ELAPOR1: variants seen among roughly 807,000 people sequenced by gnomAD.
ELAPOR1 encodes endosome/lysosome-associated apoptosis and autophagy regulator 1.
In ELAPOR1, 77 loss-of-function variants were observed where a neutral mutation model predicts 119.7. The ratio of observed to expected loss-of-function variants is 0.64; its 90% confidence interval spans 0.54 to 0.78. The LOEUF (loss-of-function observed/expected upper bound fraction) is 0.78. Among genes scored for constraint, ELAPOR1 ranks in the 30% least tolerant of loss-of-function variants. The pLI is 0.00. For missense variants in ELAPOR1, 1,115 were observed against 1,270.4 expected (o/e 0.88, Z 1.86); for synonymous variants, 481 against 487.2 (o/e 0.99, Z 0.17).
chr1:109,130,633 A>G (rs1649101333), intron 1 of ELAPOR1, among the ~76,000 whole-genome samples: 2 of 152,066 alleles, frequency 1.3e-5, no homozygotes, highest in African/African-American at 4.8e-5. Context: ...AAGTGCAAGC[A>G]CTGCACCCGG....
At chr1:109,177,353 G>C (rs1377952121) in intron 7 of ELAPOR1, among the ~76,000 whole-genome samples, 2 of 92,586 alleles carry the variant, frequency 2.2e-5, no homozygotes, top group Non-Finnish European at 4.1e-5. Context: ...GGCGGCTGCC[G>C]GGCGGAGGGG....
Position 109,206,597 on chromosome 1 carries a change from A to T in ELAPOR1, c.*3585A>T, listed in dbSNP as rs1036746464. Reference sequence around the variant, plus strand: ...TTTGTCTGACTACATTAAAGATAAGACTGACTATATTTATACAACAGAAAC... The same window carrying T: ...TTTGTCTGACTACATTAAAGATAAGTCTGACTATATTTATACAACAGAAAC... On this transcript the variant is annotated 3_prime_UTR_variant, in exon 22 of 22. Coordinates refer to ENST00000369939, the MANE Select transcript of ELAPOR1 (RefSeq NM_020775.5). The T allele has an allele frequency of 6.6e-6, 1 of 152,146 alleles. No individual in the cohort carries two copies. The highest frequency in any genetic ancestry group is 2.4e-5 in the African/African-American group (1 of 41,436). The allele number at this position is 152,146 out of a possible 1,614,324, so 9.4% of individuals were successfully genotyped here.
chr1:109,201,082 T>C (rs553138521), intron 21 of ELAPOR1, among the ~76,000 whole-genome samples, 182 bp downstream of exon 21: 1 of 152,316 alleles, frequency 6.6e-6, no homozygotes, highest in African/African-American at 2.4e-5. Flanking sequence ...ACCAATACTC[T>C]TTCCCCCGGG....
chr1:109,164,412 G>A lies in ELAPOR1; in HGVS notation c.275-87G>A, dbSNP rs923843720. The A allele has an allele frequency of 7.0e-6, 8 of 1,143,490 alleles. No homozygotes were observed. The Admixed American group carries it at 8.2e-5, about 12-fold the overall frequency. 70.8% of individuals were successfully genotyped at this position (1,143,490 alleles called of 1,614,324 possible). A position where few individuals can be genotyped will look rare whatever the true frequency, so the allele number is the denominator to read the frequency against. On this transcript the variant is annotated intron_variant, in intron 2 of 21. Transcript: ENST00000369939. ...CCAAACTCCTAGACCCCAACCCAGC[G>A]CTCCTCCCTTCAGCTGCTCGCAGCC...
intron 8 of ELAPOR1, among the ~76,000 whole-genome samples, chr1:109,185,900 G>C (rs773446868): frequency 6.6e-6 from 1 of 152,170 alleles, no homozygotes; most frequent in Non-Finnish European, 1.5e-5. Context: ...AATATTTATC[G>C]AGGAGCGACT....
chr1:109,200,489 CATT>C (rs1654102522), intron 20 of ELAPOR1, among the ~76,000 whole-genome samples: 1 of 152,130 alleles, frequency 6.6e-6, no homozygotes, highest in African/African-American at 2.4e-5. Flanking sequence ...CAGAGAATGA[CATT>C]ATGATTTTGA....
At chr1:109,120,745 A>C (rs1007985607) in intron 1 of ELAPOR1, among the ~76,000 whole-genome samples, 3 of 151,812 alleles carry the variant, frequency 2.0e-5, no homozygotes, top group Non-Finnish European at 4.4e-5. Context: ...GTTTACCTAG[A>C]CTTTTACAGC....
In ELAPOR1 at chr1:109,123,061, C is replaced by T. The variant is rs975467117; in HGVS notation, c.153+8725C>T. The stretch of plus-strand genomic sequence containing the variant: ...CTGTAGTTTGACTGGGCTAGGGCAG[C>T]GTGGCTGATCTATGCTGGGCTCCCT... On this transcript the variant is annotated intron_variant, in intron 1 of 21. Coordinates refer to ENST00000369939, the MANE Select transcript of ELAPOR1 (RefSeq NM_020775.5). Among the ~76,000 whole-genome samples the T allele has an allele frequency of 3.9e-5, 6 of 152,172 alleles. No individual in the cohort carries two copies. The South Asian group carries it at 6.2e-4, about 16-fold the overall frequency.
chr1:109,202,035 G>A (rs1406566438), intron 21 of ELAPOR1, among the ~76,000 whole-genome samples: 1 of 152,196 alleles, frequency 6.6e-6, no homozygotes, highest in Non-Finnish European at 1.5e-5. Flanking sequence ...AGGAGTTGGA[G>A]GCTGCACTGA....
Position 109,201,302 on chromosome 1 carries a change from G to C in ELAPOR1, c.2973+402G>C, listed in dbSNP as rs187176808. 1.6e-4 allele frequency: 71 copies of C among 457,704 alleles called. 1 individual carries two copies. Among genetic ancestry groups the C allele is most frequent in the African/African-American group, 1.3e-3 (66 of 50,268 alleles). 28.4% of individuals were successfully genotyped at this position (457,704 alleles called of 1,614,324 possible). A position where few individuals can be genotyped will look rare whatever the true frequency, so the allele number is the denominator to read the frequency against. On this transcript the variant is annotated intron_variant, in intron 21 of 21. Coordinates refer to ENST00000369939, the MANE Select transcript of ELAPOR1 (RefSeq NM_020775.5). ...AGTCAGGCTCTCCTTTGACCAGTGG[G>C]GGGTGCTGTCTTCCAGGTGTCTGGG...
intron 8 of ELAPOR1, chr1:109,186,529 A>G: frequency 2.0e-6 from 2 of 985,406 alleles, no homozygotes; most frequent in South Asian, 4.7e-5. Flanking sequence ...TCTCTTACCA[A>G]CACCACCTCC....
At chr1:109,150,766 G>A (rs906197105) in intron 1 of ELAPOR1, among the ~76,000 whole-genome samples, 8 of 152,176 alleles carry the variant, frequency 5.3e-5, no homozygotes, top group Non-Finnish European at 1.5e-5. Flanking sequence ...GAAGGGGCTG[G>A]CTTTCTTCTA....
At chr1:109,155,891 C>G (rs1274269142) in intron 1 of ELAPOR1, among the ~76,000 whole-genome samples, 1 of 152,168 alleles carries the variant, frequency 6.6e-6, no homozygotes, top group African/African-American at 2.4e-5. Flanking sequence ...ACTTGTAATT[C>G]CAGCACTTTG....
intron 1 of ELAPOR1, among the ~76,000 whole-genome samples, chr1:109,157,786 C>T (rs1650974846): frequency 6.6e-6 from 1 of 152,212 alleles, no homozygotes; most frequent in African/African-American, 2.4e-5. Context: ...TCTCTGTCAT[C>T]AGCTAACCAG....
Position 109,203,100 on chromosome 1 carries a change from C to A in ELAPOR1, c.*88C>A. The A allele has an allele frequency of 2.5e-6, 2 of 814,682 alleles. No homozygotes were observed. The highest frequency in any genetic ancestry group is 2.5e-5 in the East Asian group (1 of 39,880). The allele number at this position is 814,682 out of a possible 1,614,324, so 50.5% of individuals were successfully genotyped here. A position where few individuals can be genotyped will look rare whatever the true frequency, so the allele number is the denominator to read the frequency against. On this transcript the variant is annotated 3_prime_UTR_variant, in exon 22 of 22. Coordinates refer to ENST00000369939, the MANE Select transcript of ELAPOR1 (RefSeq NM_020775.5). Reference sequence around the variant, plus strand: ...TTTGGGTGCCAGCATCCTGCAACACCCACTGCTGGAAATCTCTTCATTGTG... The same window carrying A: ...TTTGGGTGCCAGCATCCTGCAACACACACTGCTGGAAATCTCTTCATTGTG...
In ELAPOR1 at chr1:109,203,232, A is replaced by G; in HGVS notation, c.*220A>G. On this transcript the variant is annotated 3_prime_UTR_variant, in exon 22 of 22. Transcript: ENST00000369939. ...TATACCCACACTTTGTTTGTAAATT[A>G]TGCCCTTGCTTGTATCTTGTTTCCC... The G allele has an allele frequency of 1.9e-6, 1 of 528,250 alleles. No homozygotes were observed. The highest frequency in any genetic ancestry group is 3.5e-5 in the East Asian group (1 of 28,306). The allele number at this position is 528,250 out of a possible 1,614,324, so 32.7% of individuals were successfully genotyped here. A position where few individuals can be genotyped will look rare whatever the true frequency, so the allele number is the denominator to read the frequency against.
chr1:109,141,603 C>T (rs919751145), intron 1 of ELAPOR1, among the ~76,000 whole-genome samples: 2 of 152,138 alleles, frequency 1.3e-5, no homozygotes, highest in African/African-American at 4.8e-5. Flanking sequence ...ATTGCCACTA[C>T]AAAGTGGCTG....
intron 11 of ELAPOR1, among the ~76,000 whole-genome samples, chr1:109,190,396 A>G (rs1320026054): frequency 6.6e-6 from 1 of 152,246 alleles, no homozygotes; most frequent in Non-Finnish European, 1.5e-5. Context: ...CTCAGAATTC[A>G]GGCAAATGGC....
rs2101122462 is a variant in ELAPOR1, at chr1:109,194,422, T to C, written c.1949T>C (p.Ile650Thr). 2 of 1,613,374 alleles carry C rather than the reference T, an allele frequency of 1.2e-6. No homozygotes were observed. The highest frequency in any genetic ancestry group is 1.7e-6 in the Non-Finnish European group (2 of 1,179,528). Residue 650 changes from isoleucine (I) to threonine (T), a missense_variant and splice_region_variant, in exon 15 of 22, where the codon ATC (isoleucine) becomes ACC (threonine). By Grantham distance (89) the Ile-to-Thr change is moderately conservative (BLOSUM62 -1). Coordinates refer to ENST00000369939, the MANE Select transcript of ELAPOR1 (RefSeq NM_020775.5). ...PCGPGTKNNKIHSLCYNDCTF... is the reference protein window; with the variant it reads ...PCGPGTKNNKTHSLCYNDCTF... Reference sequence around the variant, plus strand: ...CCGACCCGTCCCTCTCCCCCTCAGATCCACTCTCTGTGCTACAACGATTGC... The same window carrying C: ...CCGACCCGTCCCTCTCCCCCTCAGACCCACTCTCTGTGCTACAACGATTGC...
Sources: gnomAD v4.1 joint callset for allele counts (sites outside exome capture counted in the v4.1 genomes callset) on GRCh38, gnomAD v4.1.1 for gene constraint, MANE v1.5 for transcripts, NCBI Gene and HGNC (gene_info 2026-07-23, HGNC 2026-07-21) for gene names.